Variants in SERINC5 observed in about 807,000 individuals in gnomAD.
The protein encoded by SERINC5 is serine incorporator 5, also known as chromosome 5 open reading frame 12.
A neutral mutation model predicts 63.1 loss-of-function variants in SERINC5; 41 were observed. That is an observed-to-expected ratio of 0.65 (90% CI 0.51 to 0.84). The LOEUF (loss-of-function observed/expected upper bound fraction) is 0.84. Among genes scored for constraint, SERINC5 ranks in the 40% least tolerant of loss-of-function variants. SERINC5 has a pLI of 0.00. For missense variants in SERINC5, 523 were observed against 573.0 expected, an observed-to-expected ratio of 0.91 and a Z score of 0.89; for synonymous variants, 222 against 215.2, an observed-to-expected ratio of 1.03 and a Z score of -0.28.
At chr5:80,124,504 T>C (rs1051069711) in intron 11 of SERINC5, among the ~76,000 whole-genome samples, 13 of 152,162 alleles carry the variant, frequency 8.5e-5, no homozygotes, top group African/African-American at 3.1e-4. Context: ...GTCCTTGTTT[T>C]TCAGGGAGAT....
At chr5:80,222,653 A>C (rs1750966411) in intron 1 of SERINC5, among the ~76,000 whole-genome samples, 1 of 151,142 alleles carries the variant, frequency 6.6e-6, no homozygotes. Context: ...GCTCACTGCA[A>C]CCTCTGGCTC....
chr5:80,188,981 T>C (rs113720975), intron 2 of SERINC5, among the ~76,000 whole-genome samples: 41 of 152,302 alleles, frequency 2.7e-4, no homozygotes, highest in African/African-American at 8.7e-4. Flanking sequence ...CTAATTTAGT[T>C]TGTTATCCTG....
chr5:80,176,170 C>A (rs1452091791), intron 4 of SERINC5, among the ~76,000 whole-genome samples: 1 of 152,124 alleles, frequency 6.6e-6, no homozygotes, highest in African/African-American at 2.4e-5. Flanking sequence ...CAGAGCGAGA[C>A]TCTGACTCTG....
In SERINC5 at chr5:80,139,300, G is replaced by C. The variant is rs1580048583; in HGVS notation, c.*4363C>G. ...AATCCTCTTAAATTTCTTATAAATAGCTCTCCAGACATATATTACAAATCT... is the reference window on the plus strand; with the variant it reads ...AATCCTCTTAAATTTCTTATAAATACCTCTCCAGACATATATTACAAATCT... On this transcript the variant is annotated 3_prime_UTR_variant, in exon 12 of 12. Coordinates refer to ENST00000507668, the MANE Select transcript of SERINC5 (RefSeq NM_001174072.3). The C allele has an allele frequency of 2.0e-6, 2 of 978,094 alleles. No homozygotes were observed. The highest frequency in any genetic ancestry group is 4.7e-5 in the South Asian group (1 of 21,124). 60.6% of individuals were successfully genotyped at this position (978,094 alleles called of 1,614,324 possible).
chr5:80,158,698 C>T, intron 8 of SERINC5, 138 bp downstream of exon 8: 2 of 762,086 alleles, frequency 2.6e-6, no homozygotes, highest in Non-Finnish European at 4.1e-6. Flanking sequence ...TGAGTTCACG[C>T]TCTTCGCCTT....
intron 1 of SERINC5, among the ~76,000 whole-genome samples, chr5:80,248,578 G>A (rs1000878858): frequency 6.6e-6 from 1 of 152,198 alleles, no homozygotes; most frequent in African/African-American, 2.4e-5. Flanking sequence ...AAAACTGCAA[G>A]TAAAGGGGTA....
At chr5:80,163,475 C>T (rs1747073212) in intron 7 of SERINC5, among the ~76,000 whole-genome samples, 1 of 151,918 alleles carries the variant, frequency 6.6e-6, no homozygotes, top group Non-Finnish European at 1.5e-5. Context: ...GCGGGCTTAT[C>T]ATATATGACC....
At chr5:80,200,347 G>A (rs1307030389) in intron 2 of SERINC5, among the ~76,000 whole-genome samples, 4 of 150,738 alleles carry the variant, frequency 2.7e-5, no homozygotes, top group Non-Finnish European at 5.9e-5. Flanking sequence ...TTAGCCAGGC[G>A]TGGTGGCAGG....
rs769841383 is a variant in SERINC5 at position 80,202,883 on chromosome 5, T to TA, written c.195+2dup. ...AGGACGAGCTGAACACGGACAAACT[T>TA]ACGTGCTCTTTCATCTTGTGAGCCA... On this transcript the variant is annotated splice_region_variant and intron_variant, in intron 2 of 11. Transcript: ENST00000507668. The TA allele has an allele frequency of 1.2e-6, 2 of 1,606,550 alleles. No homozygotes were observed. Among genetic ancestry groups the TA allele is most frequent in the Non-Finnish European group, 1.7e-6 (2 of 1,174,156 alleles).
Position 80,146,028 on chromosome 5 carries a change from A to C in SERINC5, c.1238+62T>G, listed in dbSNP as rs543388758. Reference sequence around the variant, plus strand: ...CCTTCTCAAACAAACAAACACGAACAGTACTTAACTCTTAACTTTAAGGCT... The same window carrying C: ...CCTTCTCAAACAAACAAACACGAACCGTACTTAACTCTTAACTTTAAGGCT... On this transcript the variant is annotated intron_variant, in intron 11 of 11. Coordinates refer to ENST00000507668, the MANE Select transcript of SERINC5 (RefSeq NM_001174072.3). 1.8e-4 allele frequency: 285 copies of C among 1,559,834 alleles called. No individual in the cohort carries two copies. The African/African-American group carries it at 3.2e-3, about 17-fold the overall frequency.
Position 80,203,073 on chromosome 5 carries a change from C to A in SERINC5, c.28-20G>T. 7 of 1,585,314 alleles carry A rather than the reference C, an allele frequency of 4.4e-6. No homozygotes were observed. The highest frequency in any genetic ancestry group is 5.2e-6 in the Non-Finnish European group (6 of 1,164,908). ...GGCCAGCTAGAAAAGGAACAGAAGG[C>A]ATCTGCTTAGAGCATGATACTGTGA... On this transcript the variant is annotated intron_variant, in intron 1 of 11. Coordinates refer to ENST00000507668, the MANE Select transcript of SERINC5 (RefSeq NM_001174072.3).
At position 80,178,861 on chromosome 5, in the gene SERINC5, A is replaced by G. The variant is rs531076321; in HGVS notation, c.196-797T>C. Among the ~76,000 whole-genome samples the G allele has an allele frequency of 2.3e-3, 344 of 152,216 alleles. 1 individual carries two copies. Among genetic ancestry groups the G allele is most frequent in the African/African-American group, 7.6e-3 (314 of 41,458 alleles). On this transcript the variant is annotated intron_variant, in intron 2 of 11. Transcript: ENST00000507668. ...CACATACATAAATGTGTGTGTATAC[A>G]TATATACAACACACTCACATATACA... is the stretch of plus-strand genomic sequence containing the variant.
chr5:80,141,983 C>A lies in SERINC5; in HGVS notation c.*1680G>T. The A allele has an allele frequency of 2.0e-6, 2 of 985,318 alleles. No individual in the cohort carries two copies. Among genetic ancestry groups the A allele is most frequent in the Non-Finnish European group, 2.4e-6 (2 of 829,864 alleles). The allele number at this position is 985,318 out of a possible 1,614,324, so 61.0% of individuals were successfully genotyped here. ...GCAAAGGAATGAATAGAAAGAATTT[C>A]ACTAATTTCACCCACCAGCATTTTG... On this transcript the variant is annotated 3_prime_UTR_variant, in exon 12 of 12. Transcript: ENST00000507668.
At chr5:80,210,161 C>T (rs926083061) in intron 1 of SERINC5, among the ~76,000 whole-genome samples, 13 of 152,136 alleles carry the variant, frequency 8.5e-5, no homozygotes, top group African/African-American at 3.1e-4. Context: ...AGAAGCTTCC[C>T]CTCCCGCAAA....
intron 1 of SERINC5, among the ~76,000 whole-genome samples, chr5:80,242,032 G>A (rs1751961113): frequency 6.6e-6 from 1 of 151,958 alleles, no homozygotes; most frequent in Non-Finnish European, 1.5e-5. Context: ...TTGGGAAGCT[G>A]AGGTAGGAGG....
chr5:80,120,508 T>C (rs1431331226), intron 11 of SERINC5, among the ~76,000 whole-genome samples: 1 of 152,148 alleles, frequency 6.6e-6, no homozygotes, highest in Non-Finnish European at 1.5e-5. Flanking sequence ...TATTAGGTTA[T>C]AATATAGTTG....
At chr5:80,214,021 G>C (rs1580176472) in intron 1 of SERINC5, among the ~76,000 whole-genome samples, 1 of 152,262 alleles carries the variant, frequency 6.6e-6, no homozygotes, top group Non-Finnish European at 1.5e-5. Flanking sequence ...TTTAAGAGAA[G>C]AAACCTAGAT....
chr5:80,177,788 A>AGGGCAGTCACAGTGTCTGGT, intron 3 of SERINC5, 98 bp downstream of exon 3: 1 of 899,018 alleles, frequency 1.1e-6, no homozygotes. Context: ...AACTAGAAGA[A>AGGGCAGTCACAGTGTCTGGT]GGGCAGTCAC....
At chr5:80,237,531 C>T (rs958499289) in intron 1 of SERINC5, among the ~76,000 whole-genome samples, 1 of 151,104 alleles carries the variant, frequency 6.6e-6, no homozygotes, top group Admixed American at 6.6e-5. Context: ...GATGGGGTTT[C>T]ACTATGTTGC....
Sources: gnomAD v4.1 joint callset for allele counts (sites outside exome capture counted in the v4.1 genomes callset) on GRCh38, gnomAD v4.1.1 for gene constraint, MANE v1.5 for transcripts, NCBI Gene and HGNC (gene_info 2026-07-23, HGNC 2026-07-21) for gene names.